LDLRAD3: variants seen among roughly 807,000 people sequenced by gnomAD.
LDLRAD3 encodes low-density lipoprotein receptor class A domain-containing protein 3.
Under a neutral mutation model 29.4 loss-of-function variants are expected in LDLRAD3, and 20 were observed. The ratio of observed to expected loss-of-function variants is 0.68; its 90% CI spans 0.48 to 0.99. The LOEUF is 0.99. LDLRAD3 is among the 50% of genes least tolerant of loss of function. The probability of loss-of-function intolerance (pLI) is 0.00; values close to 1 mark genes in which losing one functional copy is unlikely to be tolerated. For synonymous variants in LDLRAD3, 157 were observed against 192.7 expected, an observed-to-expected ratio of 0.81 and a Z score of 1.53; for missense variants, 420 against 454.3, an observed-to-expected ratio of 0.92 and a Z score of 0.69.
intron 1 of LDLRAD3, among the ~76,000 whole-genome samples, chr11:36,017,948 A>G (rs1362776494): frequency 1.3e-5 from 2 of 152,208 alleles, no homozygotes; most frequent in African/African-American, 4.8e-5. Flanking sequence ...TTTGGCATTC[A>G]TCAGGTAGAA....
chr11:36,117,029 T>TG (rs981929631), intron 4 of LDLRAD3, among the ~76,000 whole-genome samples: 25 of 151,978 alleles, frequency 1.6e-4, no homozygotes, highest in African/African-American at 5.6e-4. Context: ...TTTATAGAGG[T>TG]GGGGTTTCAC....
At chr11:36,107,088 A>G (rs1853539501) in intron 4 of LDLRAD3, among the ~76,000 whole-genome samples, 1 of 152,242 alleles carries the variant, frequency 6.6e-6, no homozygotes, top group Admixed American at 6.5e-5. Flanking sequence ...AGGAGAAGCC[A>G]GTGAATCTTT....
At chr11:36,143,966 C>G (rs1026006130) in intron 4 of LDLRAD3, among the ~76,000 whole-genome samples, 1 of 142,490 alleles carries the variant, frequency 7.0e-6, no homozygotes, top group African/African-American at 2.6e-5. Flanking sequence ...CCACGGTCTC[C>G]CTCTGATGCC....
intron 1 of LDLRAD3, among the ~76,000 whole-genome samples, chr11:36,031,969 T>C (rs1852240905): frequency 6.6e-6 from 1 of 152,204 alleles, no homozygotes; most frequent in Non-Finnish European, 1.5e-5. Flanking sequence ...AGGTGCAGGA[T>C]TAGCGTCCTC....
chr11:36,178,388 A>G (rs1354023002), intron 4 of LDLRAD3, among the ~76,000 whole-genome samples: 1 of 151,352 alleles, frequency 6.6e-6, no homozygotes, highest in Middle Eastern at 3.2e-3. Context: ...CACTTCTTTG[A>G]CCTCCATGGT....
intron 1 of LDLRAD3, among the ~76,000 whole-genome samples, chr11:35,973,166 GTTTTGT>G (rs1280322016): frequency 6.6e-6 from 1 of 150,422 alleles, no homozygotes; most frequent in Non-Finnish European, 1.5e-5. Context: ...GTTTTGTTTT[GTTTTGT>G]TTTTTTTGAT....
intron 4 of LDLRAD3, among the ~76,000 whole-genome samples, chr11:36,144,333 C>T (rs1407767274): frequency 6.7e-6 from 1 of 149,630 alleles, no homozygotes; most frequent in African/African-American, 2.4e-5. Flanking sequence ...GAGATTGCAG[C>T]CTCTGCCCGG....
chr11:35,956,760 G>T (rs1351194745), intron 1 of LDLRAD3, among the ~76,000 whole-genome samples: 1 of 151,836 alleles, frequency 6.6e-6, no homozygotes, highest in East Asian at 1.9e-4. Context: ...TTTTTGAGAC[G>T]GAGTCTTGCT....
intron 2 of LDLRAD3, among the ~76,000 whole-genome samples, chr11:36,077,499 G>A (rs1853033591): frequency 2.0e-5 from 3 of 152,216 alleles, no homozygotes; most frequent in Admixed American, 2.0e-4. Flanking sequence ...CCAAGGGCAA[G>A]CCAGTTGCAG....
intron 1 of LDLRAD3, among the ~76,000 whole-genome samples, chr11:36,035,369 T>C (rs989824450): frequency 1.3e-5 from 2 of 152,090 alleles, no homozygotes; most frequent in Admixed American, 1.3e-4. Flanking sequence ...ACTGGTGTTC[T>C]CTCTTTGCTT....
chr11:36,143,161 G>GTCTGA (rs1854111762), intron 4 of LDLRAD3, among the ~76,000 whole-genome samples: 1 of 152,166 alleles, frequency 6.6e-6, no homozygotes, highest in Non-Finnish European at 1.5e-5. Context: ...TTTGCCTGGG[G>GTCTGA]TCACCTAGGA....
At chr11:36,214,561 T>A (rs1470396416) in intron 4 of LDLRAD3, among the ~76,000 whole-genome samples, 1 of 152,192 alleles carries the variant, frequency 6.6e-6, no homozygotes, top group Non-Finnish European at 1.5e-5. Flanking sequence ...AATAACAGTG[T>A]GAATATTTCA....
chr11:35,947,953 A>C (rs1363455431), intron 1 of LDLRAD3, among the ~76,000 whole-genome samples: 1 of 152,194 alleles, frequency 6.6e-6, no homozygotes, highest in Non-Finnish European at 1.5e-5. Flanking sequence ...TTTGCAGGAT[A>C]CTTTGGTGTT....
chr11:36,153,355 T>A (rs1203503622), intron 4 of LDLRAD3, among the ~76,000 whole-genome samples: 1 of 152,178 alleles, frequency 6.6e-6, no homozygotes, highest in African/African-American at 2.4e-5. Context: ...CCGGAGATTA[T>A]TGTCAAGCAA....
At chr11:36,037,352 T>C (rs1242265260) in intron 2 of LDLRAD3, among the ~76,000 whole-genome samples, 2 of 152,106 alleles carry the variant, frequency 1.3e-5, no homozygotes, top group African/African-American at 4.8e-5. Flanking sequence ...TCTTGCTCTG[T>C]CACCCGGGGC....
chr11:36,062,757 C>A (rs114613624), intron 2 of LDLRAD3, among the ~76,000 whole-genome samples: 3 of 152,198 alleles, frequency 2.0e-5, no homozygotes, highest in Non-Finnish European at 4.4e-5. Context: ...TGAAGAAGCA[C>A]GTGTTTGCTT....
chr11:36,067,483 G>A (rs963220084), intron 2 of LDLRAD3, among the ~76,000 whole-genome samples: 31 of 152,110 alleles, frequency 2.0e-4, no homozygotes, highest in Admixed American at 7.2e-4. Flanking sequence ...AAAGTGCCAA[G>A]TAATTATTAC....
chr11:36,040,442 G>A (rs1852366339), intron 2 of LDLRAD3, among the ~76,000 whole-genome samples: 1 of 152,068 alleles, frequency 6.6e-6, no homozygotes. Context: ...TAATCGCCAG[G>A]GGTGTACAGT....
intron 1 of LDLRAD3, chr11:35,968,215 T>A: frequency 2.5e-6 from 1 of 403,444 alleles, no homozygotes; most frequent in East Asian, 6.4e-5. Context: ...AGGAATAATT[T>A]TCTATAGGAC....
Sources: allele counts gnomAD v4.1 joint callset (sites outside exome capture counted in the v4.1 genomes callset), GRCh38; gene constraint gnomAD v4.1.1; transcripts MANE v1.5; gene names NCBI Gene and HGNC (gene_info 2026-07-23, HGNC 2026-07-21).